Variants in PEX5L observed in about 807,000 individuals in gnomAD.
The protein encoded by PEX5L is PEX5-related protein.
PEX5L carries 30 observed loss-of-function variants against 84.0 expected under a neutral mutation model. That is an observed-to-expected ratio of 0.36 (90% CI 0.27 to 0.48). PEX5L has a LOEUF of 0.48. Ranked by LOEUF, PEX5L falls within the 20% of genes least tolerant of loss-of-function variation. The pLI is 0.99. For missense variants in PEX5L, 533 were observed against 754.6 expected, an observed-to-expected ratio of 0.71 and a Z score of 3.44; for synonymous variants, 270 against 283.1, an observed-to-expected ratio of 0.95 and a Z score of 0.46.
At position 179,801,719 on chromosome 3, in the gene PEX5L, G is replaced by A; in HGVS notation, c.*109C>T. 1.2e-6 allele frequency: 1 copy of A among 803,510 alleles called. No individual in the cohort carries two copies. The highest frequency in any genetic ancestry group is 1.5e-5 in the South Asian group (1 of 64,940). 49.8% of individuals were successfully genotyped at this position (803,510 alleles called of 1,614,324 possible). On this transcript the variant is annotated 3_prime_UTR_variant, in exon 15 of 15. Coordinates refer to ENST00000467460, the MANE Select transcript of PEX5L (RefSeq NM_016559.3). Reference sequence around the variant, plus strand: ...AATTTCCTTGGGCTATATGACCATGGCCTTTTGAATATTTGATTTATCCTT... The same window carrying A: ...AATTTCCTTGGGCTATATGACCATGACCTTTTGAATATTTGATTTATCCTT...
chr3:179,991,982 T>A (rs1265346799), intron 1 of PEX5L, among the ~76,000 whole-genome samples: 1 of 152,238 alleles, frequency 6.6e-6, no homozygotes, highest in Non-Finnish European at 1.5e-5. Flanking sequence ...AAAAGTAGCA[T>A]ATTAGACATT....
At chr3:179,946,824 G>A (rs1777675493) in intron 2 of PEX5L, among the ~76,000 whole-genome samples, 1 of 152,202 alleles carries the variant, frequency 6.6e-6, no homozygotes, top group Non-Finnish European at 1.5e-5. Context: ...AGTTAGTGGA[G>A]GCAGCTTTTT....
chr3:179,943,408 T>C (rs76998915), intron 2 of PEX5L, among the ~76,000 whole-genome samples: 88 of 152,368 alleles, frequency 5.8e-4, no homozygotes, highest in South Asian at 4.3e-3. Context: ...AATCATCTAA[T>C]GAATTGGATG....
At chr3:179,938,037 C>T (rs1004343805) in intron 2 of PEX5L, among the ~76,000 whole-genome samples, 1 of 151,994 alleles carries the variant, frequency 6.6e-6, no homozygotes, top group African/African-American at 2.4e-5. Flanking sequence ...CTACCTTCAC[C>T]ACCTCCAACA....
At chr3:179,948,881 T>A (rs1299793767) in intron 2 of PEX5L, among the ~76,000 whole-genome samples, 1 of 152,262 alleles carries the variant, frequency 6.6e-6, no homozygotes, top group African/African-American at 2.4e-5. Flanking sequence ...AGAAGTTTTT[T>A]AGAGCATTTT....
chr3:179,902,603 C>T (rs1304579985), intron 2 of PEX5L: 2 of 449,630 alleles, frequency 4.4e-6, no homozygotes, highest in Non-Finnish European at 8.9e-6. Context: ...TACGCTTTAG[C>T]ATCTCTCTAA....
At chr3:179,903,295 A>C (rs1488075673) in intron 2 of PEX5L, among the ~76,000 whole-genome samples, 1 of 151,670 alleles carries the variant, frequency 6.6e-6, no homozygotes, top group African/African-American at 2.4e-5. Flanking sequence ...ATCTCGGTTC[A>C]CTGCAACCTC....
At chr3:179,842,739 A>C (rs879198225) in intron 8 of PEX5L, among the ~76,000 whole-genome samples, 7 of 152,168 alleles carry the variant, frequency 4.6e-5, no homozygotes. Flanking sequence ...CAGCAACAAA[A>C]TTAGAGGATG....
intron 8 of PEX5L, among the ~76,000 whole-genome samples, chr3:179,845,090 T>C (rs943062720): frequency 6.6e-6 from 1 of 152,212 alleles, no homozygotes; most frequent in South Asian, 2.1e-4. Context: ...CTGTACATAT[T>C]TGCATAGCCA....
intron 1 of PEX5L, among the ~76,000 whole-genome samples, chr3:180,026,720 C>G (rs1009500960): frequency 6.6e-6 from 1 of 152,136 alleles, no homozygotes; most frequent in East Asian, 1.9e-4. Flanking sequence ...ACTAAATAAA[C>G]GCAGGCTTAA....
intron 2 of PEX5L, among the ~76,000 whole-genome samples, chr3:179,913,307 T>C (rs1303668068): frequency 6.6e-6 from 1 of 152,148 alleles, no homozygotes; most frequent in Non-Finnish European, 1.5e-5. Context: ...ACAGTTACTT[T>C]AGGTATAAAT....
At chr3:179,868,592 T>C (rs1327455411) in intron 7 of PEX5L, among the ~76,000 whole-genome samples, 2 of 152,152 alleles carry the variant, frequency 1.3e-5, no homozygotes, top group Admixed American at 1.3e-4. Flanking sequence ...TGTAGATCTG[T>C]AGAGAATCTG....
At chr3:179,947,765 G>A in intron 2 of PEX5L, among the ~76,000 whole-genome samples, 1 of 144,084 alleles carries the variant, frequency 6.9e-6, no homozygotes, top group Non-Finnish European at 1.5e-5. Context: ...GGAGTGCAGT[G>A]GCATGATCTC....
intron 8 of PEX5L, among the ~76,000 whole-genome samples, chr3:179,829,533 G>A (rs1731837077): frequency 6.6e-6 from 1 of 152,116 alleles, no homozygotes; most frequent in African/African-American, 2.4e-5. Context: ...TTTGCTGATA[G>A]GGCTGTTGTG....
intron 2 of PEX5L, among the ~76,000 whole-genome samples, chr3:179,913,419 T>C: frequency 6.6e-6 from 1 of 152,186 alleles, no homozygotes; most frequent in East Asian, 1.9e-4. Context: ...TTATTGCAAA[T>C]TATTTTAAGA....
At chr3:179,848,599 G>C (rs192486896) in intron 8 of PEX5L, among the ~76,000 whole-genome samples, 1 of 150,318 alleles carries the variant, frequency 6.7e-6, no homozygotes. Flanking sequence ...AACTTCTCTC[G>C]ACAGTAAAAT....
chr3:179,926,459 C>T (rs1771482487), intron 2 of PEX5L, among the ~76,000 whole-genome samples: 1 of 152,150 alleles, frequency 6.6e-6, no homozygotes, highest in Admixed American at 6.5e-5. Context: ...TGCCTTCCAC[C>T]AGAACTCCTC....
Position 180,036,641 on chromosome 3 carries a change from C to G in PEX5L, c.-42G>C. On this transcript the variant is annotated 5_prime_UTR_variant, in exon 1 of 15. Coordinates refer to ENST00000467460, the MANE Select transcript of PEX5L (RefSeq NM_016559.3). The stretch of plus-strand genomic sequence containing the variant: ...CAGGGCTCCCTGAGGCCACCGGATG[C>G]TTTTCCCCCGTGCTTACTTGCCCAC... 1.2e-6 allele frequency: 2 copies of G among 1,612,620 alleles called. No homozygotes were observed. Among genetic ancestry groups the G allele is most frequent in the Admixed American group, 1.7e-5 (1 of 60,030 alleles).
At chr3:179,903,746 AT>A (rs1450315069) in intron 2 of PEX5L, among the ~76,000 whole-genome samples, 1 of 152,148 alleles carries the variant, frequency 6.6e-6, no homozygotes, top group Non-Finnish European at 1.5e-5. Context: ...TCAGGGCAAT[AT>A]TTTGCAGTGT....
Sources: gnomAD v4.1 joint callset for allele counts (sites outside exome capture counted in the v4.1 genomes callset) on GRCh38, gnomAD v4.1.1 for gene constraint, MANE v1.5 for transcripts, NCBI Gene and HGNC (gene_info 2026-07-23, HGNC 2026-07-21) for gene names.